ERC1: variants seen among roughly 807,000 people sequenced by gnomAD.
ERC1 encodes ELKS/RAB6-interacting/CAST family member 1.
A neutral mutation model predicts 132.0 loss-of-function variants in ERC1; 56 were observed. The ratio of observed to expected loss-of-function variants is 0.42; its 90% confidence interval spans 0.34 to 0.53. The LOEUF is 0.53. Ranked by LOEUF, ERC1 falls within the 20% of genes least tolerant of loss-of-function variation. The pLI, the probability that ERC1 is intolerant of heterozygous loss-of-function variation, is 0.03. For synonymous variants in ERC1, 478 were observed against 476.1 expected (o/e 1.00, Z -0.05); for missense variants, 1,202 against 1,349.9 (o/e 0.89, Z 1.72).
chr12:1,355,065 A>T (rs1595192739), intron 15 of ERC1, among the ~76,000 whole-genome samples: 1 of 152,298 alleles, frequency 6.6e-6, no homozygotes, highest in East Asian at 1.9e-4. Context: ...AAAATACTTT[A>T]TAGGTAGGGT....
rs77665718 is a variant in ERC1, at chr12:1,232,859, A to G, written c.2352-3910A>G. Among the ~76,000 whole-genome samples the G allele has an allele frequency of 4.3e-3, 654 of 151,996 alleles. 15 individuals are homozygous for G. In the East Asian group the frequency reaches 0.072, roughly 17 times the overall value. Reference sequence around the variant, plus strand: ...AGGGCTTTATTGGTTTACTTCGGTGATGTGTTATATAACTGTAAACCGAAT... The same window carrying G: ...AGGGCTTTATTGGTTTACTTCGGTGGTGTGTTATATAACTGTAAACCGAAT... On this transcript the variant is annotated intron_variant, in intron 12 of 18. Coordinates refer to ENST00000360905, the MANE Select transcript of ERC1 (RefSeq NM_178040.4).
intron 8 of ERC1, among the ~76,000 whole-genome samples, chr12:1,154,192 A>G (rs941781713): frequency 1.6e-4 from 22 of 138,516 alleles, no homozygotes; most frequent in Non-Finnish European, 2.7e-4. Context: ...ATGGCCGAGT[A>G]GTATTCCATG....
intron 18 of ERC1, among the ~76,000 whole-genome samples, chr12:1,485,354 G>C (rs183605101): frequency 6.6e-6 from 1 of 151,546 alleles, no homozygotes; most frequent in Non-Finnish European, 1.5e-5. Flanking sequence ...ATAGGCGCCC[G>C]CCACCACGCC....
At chr12:1,354,581 T>C (rs534256040) in intron 15 of ERC1, among the ~76,000 whole-genome samples, 2 of 152,230 alleles carry the variant, frequency 1.3e-5, no homozygotes, top group African/African-American at 4.8e-5. Flanking sequence ...ATAGTAATCA[T>C]GCTGGCAATG....
chr12:1,489,400 G>A (rs2094292711), intron 18 of ERC1, among the ~76,000 whole-genome samples: 1 of 152,162 alleles, frequency 6.6e-6, no homozygotes, highest in Non-Finnish European at 1.5e-5. Flanking sequence ...TCACTCTGCT[G>A]GGTGGTCGTT....
chr12:1,329,581 G>A (rs1459517789), intron 15 of ERC1, among the ~76,000 whole-genome samples: 1 of 152,122 alleles, frequency 6.6e-6, no homozygotes, highest in Admixed American at 6.5e-5. Flanking sequence ...TGAGGAAAGT[G>A]AGTAATTTTC....
intron 13 of ERC1, among the ~76,000 whole-genome samples, chr12:1,255,227 AG>A (rs1248319821): frequency 3.3e-5 from 5 of 151,974 alleles, no homozygotes; most frequent in Non-Finnish European, 5.9e-5. Flanking sequence ...TAGTTTGCTG[AG>A]AATTAGGGTT....
At chr12:1,392,703 A>G (rs993800186) in intron 16 of ERC1, among the ~76,000 whole-genome samples, 9 of 152,254 alleles carry the variant, frequency 5.9e-5, no homozygotes, top group African/African-American at 2.2e-4. Flanking sequence ...TTATAAAATT[A>G]TAAGTGGAAA....
At chr12:1,272,472 G>T (rs529625953) in intron 14 of ERC1, among the ~76,000 whole-genome samples, 1 of 152,142 alleles carries the variant, frequency 6.6e-6, no homozygotes, top group Non-Finnish European at 1.5e-5. Context: ...CCCCAATCTG[G>T]TCTCATATTC....
chr12:1,449,710 A>G (rs905038975), intron 18 of ERC1, among the ~76,000 whole-genome samples: 7 of 152,132 alleles, frequency 4.6e-5, no homozygotes, highest in Admixed American at 4.6e-4. Context: ...GGTTTCTTGT[A>G]GAGAACATAT....
chr12:1,426,608 CT>C (rs1285362680), intron 17 of ERC1, among the ~76,000 whole-genome samples: 3 of 152,162 alleles, frequency 2.0e-5, no homozygotes, highest in Non-Finnish European at 4.4e-5. Flanking sequence ...GACTATACAG[CT>C]TTTGCCAAAT....
intron 12 of ERC1, among the ~76,000 whole-genome samples, chr12:1,230,650 G>A (rs1417913305): frequency 3.9e-5 from 6 of 152,214 alleles, no homozygotes; most frequent in Middle Eastern, 3.4e-3. Flanking sequence ...CCTATCCATT[G>A]TTAAAAGTGG....
chr12:1,205,124 T>G (rs1221979007), intron 12 of ERC1, among the ~76,000 whole-genome samples: 4 of 152,182 alleles, frequency 2.6e-5, no homozygotes, highest in African/African-American at 9.7e-5. Flanking sequence ...ATTTATTATT[T>G]TGATTTTTTA....
At chr12:1,028,833 C>A (rs561230356) in intron 2 of ERC1, among the ~76,000 whole-genome samples, 1 of 151,430 alleles carries the variant, frequency 6.6e-6, no homozygotes, top group Non-Finnish European at 1.5e-5. Flanking sequence ...TCGTGTCTTT[C>A]CTTTCAGCAT....
chr12:1,483,442 T>A (rs899439719), intron 18 of ERC1, among the ~76,000 whole-genome samples: 2 of 152,208 alleles, frequency 1.3e-5, no homozygotes, highest in Non-Finnish European at 2.9e-5. Context: ...TATTGGCCAG[T>A]TGGTTAATAC....
chr12:1,175,701 CTT>C (rs1407285622), intron 8 of ERC1, among the ~76,000 whole-genome samples: 1 of 151,896 alleles, frequency 6.6e-6, no homozygotes, highest in Non-Finnish European at 1.5e-5. Flanking sequence ...GCCTGGCTAA[CTT>C]TTTGTATTTT....
rs562040172 is a variant in ERC1 at position 1,164,475 on chromosome 12, T to C, written c.1738-16065T>C. Among the ~76,000 whole-genome samples, 3 of 152,114 alleles carry C rather than the reference T, an allele frequency of 2.0e-5. No homozygotes were observed. The South Asian group carries it at 6.2e-4, about 32-fold the overall frequency. On this transcript the variant is annotated intron_variant, in intron 8 of 18. Coordinates refer to ENST00000360905, the MANE Select transcript of ERC1 (RefSeq NM_178040.4). Reference sequence around the variant, plus strand: ...CTCCTGCCTCAGCCTCCCAAGTAGCTTGACTACAGGCGCCCGCCACCGCAC... The same window carrying C: ...CTCCTGCCTCAGCCTCCCAAGTAGCCTGACTACAGGCGCCCGCCACCGCAC...
At chr12:1,294,205 T>C (rs928788409) in intron 15 of ERC1, among the ~76,000 whole-genome samples, 3 of 152,210 alleles carry the variant, frequency 2.0e-5, no homozygotes, top group African/African-American at 7.2e-5. Context: ...TACTTTCTTG[T>C]GACATGAATT....
intron 18 of ERC1, among the ~76,000 whole-genome samples, chr12:1,456,969 A>T (rs540551419): frequency 1.3e-5 from 2 of 152,352 alleles, no homozygotes; most frequent in East Asian, 3.9e-4. Flanking sequence ...CATGTGCTAC[A>T]TAACAATATT....
Sources: allele counts gnomAD v4.1 joint callset (sites outside exome capture counted in the v4.1 genomes callset), GRCh38; gene constraint gnomAD v4.1.1; transcripts MANE v1.5; gene names NCBI Gene and HGNC (gene_info 2026-07-23, HGNC 2026-07-21).